Variants in NARF observed in about 807,000 individuals in gnomAD.
The protein encoded by NARF is nuclear prelamin A recognition factor.
In NARF, 41 loss-of-function variants were observed where a neutral mutation model predicts 48.0. The observed-to-expected ratio is 0.85, with a 90% CI of 0.66 to 1.11. NARF has a LOEUF of 1.11. Ranked by LOEUF, NARF falls within the 50% of genes least tolerant of loss-of-function variation. The probability of loss-of-function intolerance (pLI) is 0.00; values close to 1 mark genes in which losing one functional copy is unlikely to be tolerated. For synonymous variants in NARF, 215 were observed against 225.5 expected (o/e 0.95, Z 0.42); for missense variants, 613 against 590.2 (o/e 1.04, Z -0.40).
At chr17:82,479,007 AG>A (rs1250796034) in intron 6 of NARF, 89 bp downstream of exon 6, 1 of 1,299,786 alleles carries the variant, frequency 7.7e-7, no homozygotes, top group Non-Finnish European at 1.1e-6. Flanking sequence ...CCATCTGTCC[AG>A]CGTGGTCACG....
At chr17:82,468,008 G>C (rs1321080510) in intron 3 of NARF, among the ~76,000 whole-genome samples, 1 of 151,974 alleles carries the variant, frequency 6.6e-6, no homozygotes, top group Non-Finnish European at 1.5e-5. Flanking sequence ...CTGTAGTCTT[G>C]TCTCTTTTAA....
upstream of NARF, chr17:82,458,244 G>T (rs941973796): frequency 1.4e-4 from 21 of 152,740 alleles, no homozygotes; most frequent in African/African-American, 4.1e-4. Context: ...CGAGGGCTGT[G>T]CCCCCGGCCC....
At chr17:82,464,112 T>C in intron 2 of NARF, 175 bp from the exon 3 acceptor site, 1 of 735,482 alleles carries the variant, frequency 1.4e-6, no homozygotes, top group Non-Finnish European at 2.2e-6. Context: ...CTTCACCACC[T>C]TGAGCTGCTC....
intron 5 of NARF, 72 bp downstream of exon 5, chr17:82,472,770 G>A: frequency 6.5e-7 from 1 of 1,544,392 alleles, no homozygotes; most frequent in Non-Finnish European, 8.7e-7. Flanking sequence ...GCAGGCTCTA[G>A]ATGAGGTTGG....
chr17:82,470,644 G>A (rs1419575045), intron 4 of NARF, among the ~76,000 whole-genome samples: 4 of 151,706 alleles, frequency 2.6e-5, no homozygotes, highest in African/African-American at 7.3e-5. Flanking sequence ...ACAGGCGCCC[G>A]CCACCACGCC....
chr17:82,458,879 G>T, intron 1 of NARF, 49 bp downstream of exon 1: 1 of 1,328,518 alleles, frequency 7.5e-7, no homozygotes. Flanking sequence ...TGTCCTGTGG[G>T]GCTCTGGGCG....
chr17:82,464,856 A>G (rs2043525760), intron 3 of NARF, among the ~76,000 whole-genome samples: 1 of 152,210 alleles, frequency 6.6e-6, no homozygotes, highest in Admixed American at 6.5e-5. Context: ...CCAAGGAAGT[A>G]AAAATTCCCA....
intron 8 of NARF, 54 bp from the exon 9 acceptor site, chr17:82,484,759 C>T (rs995759585): frequency 6.6e-7 from 1 of 1,516,674 alleles, no homozygotes; most frequent in African/African-American, 1.4e-5. Context: ...TTCACTCTTT[C>T]TGTCACTGTA....
At chr17:82,472,078 G>A (rs1343101062) in intron 4 of NARF, among the ~76,000 whole-genome samples, 8 of 152,130 alleles carry the variant, frequency 5.3e-5, no homozygotes, top group Non-Finnish European at 7.4e-5. Context: ...AACTTAGGCC[G>A]TTAGGAATAG....
At chr17:82,484,622 A>G (rs111976655) in intron 8 of NARF, 191 bp from the exon 9 acceptor site, 8 of 568,376 alleles carry the variant, frequency 1.4e-5, no homozygotes, top group African/African-American at 1.2e-4. Flanking sequence ...TTGCCCGAGC[A>G]TCAGGCAGGC....
At chr17:82,458,877 G>A in intron 1 of NARF, 47 bp downstream of exon 1, 1 of 1,347,006 alleles carries the variant, frequency 7.4e-7, no homozygotes, top group Non-Finnish European at 9.5e-7. Flanking sequence ...CTTGTCCTGT[G>A]GGGCTCTGGG....
chr17:82,472,823 G>A, intron 5 of NARF, 125 bp downstream of exon 5: 2 of 1,230,816 alleles, frequency 1.6e-6, no homozygotes, highest in Non-Finnish European at 2.2e-6. Context: ...GACCAGGAGG[G>A]AAGAGCTTGG....
Position 82,472,589 on chromosome 17 carries a change from G to C in NARF, c.411G>C (p.Thr137=), listed in dbSNP as rs764095137. The change falls in exon 5 of 11, where the codon ACG becomes ACC. Residue 137 remains threonine (T), a synonymous_variant. Transcript: ENST00000309794. Reference sequence around the variant, plus strand: ...GGGTGCACTATGTATTTGATACGACGATAGCTGCGGATTTTAGTATCCTGG... The same window carrying C: ...GGGTGCACTATGTATTTGATACGACCATAGCTGCGGATTTTAGTATCCTGG... ...SLGVHYVFDT[T]IAADFSILES... 4.3e-6 allele frequency: 7 copies of C among 1,613,330 alleles called. No homozygotes were observed. The South Asian group carries it at 5.5e-5, about 13-fold the overall frequency.
At chr17:82,470,418 C>T (rs757742945) in intron 4 of NARF, among the ~76,000 whole-genome samples, 1 of 152,196 alleles carries the variant, frequency 6.6e-6, no homozygotes, top group South Asian at 2.1e-4. Context: ...AATGATGTAA[C>T]GGAATGTTAT....
chr17:82,458,510 T>A (rs2043340136), upstream of NARF: 1 of 379,272 alleles, frequency 2.6e-6, no homozygotes, highest in South Asian at 7.9e-5. Flanking sequence ...CCCGGCGCCG[T>A]ACGTGGAGTG....
intron 2 of NARF, chr17:82,463,692 G>A (rs2043490220): frequency 6.5e-6 from 1 of 153,228 alleles, no homozygotes; most frequent in Non-Finnish European, 1.5e-5. Flanking sequence ...TGTTTTAGCA[G>A]ATGTCGGGGA....
chr17:82,461,377 C>T (rs1185493254), intron 2 of NARF, among the ~76,000 whole-genome samples: 3 of 152,120 alleles, frequency 2.0e-5, no homozygotes, highest in Non-Finnish European at 4.4e-5. Flanking sequence ...TTTGGGAGGC[C>T]GAGGTGGGTG....
intron 5 of NARF, 71 bp from the exon 6 acceptor site, chr17:82,478,729 A>G: frequency 6.9e-7 from 1 of 1,457,682 alleles, no homozygotes; most frequent in South Asian, 1.1e-5. Context: ...CGAGCTCAGC[A>G]TTCCCTGGTG....
intron 3 of NARF, 22 bp downstream of exon 3, chr17:82,464,452 C>G (rs183717794): frequency 1.9e-5 from 30 of 1,598,510 alleles, no homozygotes; most frequent in Middle Eastern, 3.4e-4. Context: ...GGGGCATTTG[C>G]TGATGCTGGG....
Sources: allele counts gnomAD v4.1 joint callset (sites outside exome capture counted in the v4.1 genomes callset), GRCh38; gene constraint gnomAD v4.1.1; transcripts MANE v1.5; gene names NCBI Gene and HGNC (gene_info 2026-07-23, HGNC 2026-07-21).